GBF1: variants seen among roughly 807,000 people sequenced by gnomAD.
The protein encoded by GBF1 is golgi brefeldin A resistant guanine nucleotide exchange factor 1.
A neutral mutation model predicts 210.5 loss-of-function variants in GBF1; 114 were observed. The observed-to-expected ratio is 0.54, with a 90% CI of 0.47 to 0.63. The LOEUF is 0.63. Among genes scored for constraint, GBF1 ranks in the 30% least tolerant of loss-of-function variants. GBF1 has a pLI of 0.00. For synonymous variants in GBF1, 850 were observed against 889.2 expected (o/e 0.96, Z 0.78); for missense variants, 1,851 against 2,357.7 (o/e 0.79, Z 4.45).
chr10:102,277,827 T>A (rs1396342046), intron 3 of GBF1, among the ~76,000 whole-genome samples: 2 of 152,200 alleles, frequency 1.3e-5, no homozygotes, highest in Non-Finnish European at 2.9e-5. Context: ...GTCAATAAAC[T>A]TTTATTATTT....
In GBF1 at chr10:102,379,404, TG is replaced by T; in HGVS notation, c.4618del (p.Ala1540ProfsTer27). The T allele has an allele frequency of 1.2e-6, 2 of 1,614,132 alleles. No homozygotes were observed. The highest frequency in any genetic ancestry group is 1.7e-6 in the Non-Finnish European group (2 of 1,180,026). ...GATTGAAGCTGATTCTCGCACCCTCTGGGCCCACTGCTGGTGCCCTTTACTG... is the reference window on the plus strand; with the variant it reads ...GATTGAAGCTGATTCTCGCACCCTCTGGCCCACTGCTGGTGCCCTTTACTG... ...QKIEADSRTL[W>X]AHCWCPLLQG... On this transcript the variant is annotated frameshift_variant, in exon 34 of 40. Transcript: ENST00000369983. LOFTEE classifies it high-confidence loss of function.
chr10:102,293,994 G>A (rs1355578085), intron 3 of GBF1, among the ~76,000 whole-genome samples: 1 of 151,374 alleles, frequency 6.6e-6, no homozygotes, highest in Non-Finnish European at 1.5e-5. Flanking sequence ...TAGCCAGGAT[G>A]GTCTCGATCT....
chr10:102,294,586 T>A (rs1437352525), intron 3 of GBF1, among the ~76,000 whole-genome samples: 1 of 151,978 alleles, frequency 6.6e-6, no homozygotes, highest in Non-Finnish European at 1.5e-5. Context: ...TTTCACCGTG[T>A]TAGCCAGGAT....
In GBF1 at chr10:102,382,444, G is replaced by A. The variant is rs1363096053; in HGVS notation, c.*108G>A. On this transcript the variant is annotated 3_prime_UTR_variant, in exon 40 of 40. Coordinates refer to ENST00000369983, the MANE Select transcript of GBF1 (RefSeq NM_001377137.1). The stretch of plus-strand genomic sequence containing the variant: ...CTCTTCAGGCCAAGTCAGAGCTGCT[G>A]TTGCTGCCACTTGGATGGGGACCTG... The A allele has an allele frequency of 1.1e-6, 1 of 950,346 alleles. No homozygotes were observed. The highest frequency in any genetic ancestry group is 1.6e-6 in the Non-Finnish European group (1 of 639,074). The allele number at this position is 950,346 out of a possible 1,614,324, so 58.9% of individuals were successfully genotyped here. A position where few individuals can be genotyped will look rare whatever the true frequency, so the allele number is the denominator to read the frequency against.
Position 102,292,187 on chromosome 10 carries a change from C to A in GBF1, c.163+32071C>A, listed in dbSNP as rs541862362. ...TACAGGCATGAGCCACCATGCCCGG[C>A]CCCTAGAACTTTTTCTAAGGTCCTA... is the stretch of plus-strand genomic sequence containing the variant. On this transcript the variant is annotated intron_variant, in intron 3 of 39. Coordinates refer to ENST00000369983, the MANE Select transcript of GBF1 (RefSeq NM_001377137.1). 3.8e-3 allele frequency among the ~76,000 whole-genome samples: 574 copies of A among 152,166 alleles called. 1 individual carries two copies. The highest frequency in any genetic ancestry group is 5.5e-3 in the Non-Finnish European group (377 of 68,010).
chr10:102,363,693 C>T lies in GBF1; in HGVS notation c.2018-17C>T. ...AAGGTGTTACAGATATTTCCCCCCTCTTCTTCCTACTCCTAGCTGACAAAA... is the reference window on the plus strand; with the variant it reads ...AAGGTGTTACAGATATTTCCCCCCTTTTCTTCCTACTCCTAGCTGACAAAA... On this transcript the variant is annotated splice_polypyrimidine_tract_variant and intron_variant, in intron 16 of 39. Coordinates refer to ENST00000369983, the MANE Select transcript of GBF1 (RefSeq NM_001377137.1). This position sits in a 1 kb window ranked among gnomAD's most constrained non-coding sequence, Gnocchi z 4.2. The T allele has an allele frequency of 6.4e-7, 1 of 1,564,172 alleles. No homozygotes were observed. Among genetic ancestry groups the T allele is most frequent in the Non-Finnish European group, 8.8e-7 (1 of 1,134,626 alleles).
chr10:102,322,652 C>G (rs1216330703), intron 3 of GBF1, among the ~76,000 whole-genome samples: 1 of 134,378 alleles, frequency 7.4e-6, no homozygotes, highest in Non-Finnish European at 1.5e-5. Context: ...GAGGCCGAGG[C>G]AGGAGGATCT....
At chr10:102,268,566 G>A (rs2074099209) in intron 3 of GBF1, among the ~76,000 whole-genome samples, 1 of 152,028 alleles carries the variant, frequency 6.6e-6, no homozygotes, top group Non-Finnish European at 1.5e-5. Flanking sequence ...AGTCAGATGA[G>A]TAAAAAGAAA....
chr10:102,257,461 A>G (rs1341798604), intron 1 of GBF1, among the ~76,000 whole-genome samples: 12 of 152,066 alleles, frequency 7.9e-5, no homozygotes, highest in Admixed American at 7.2e-4. Flanking sequence ...GGTGTATGCC[A>G]CCATGCCTGG....
chr10:102,347,308 T>A (rs955237825), intron 4 of GBF1, among the ~76,000 whole-genome samples: 1 of 152,222 alleles, frequency 6.6e-6, no homozygotes, highest in Non-Finnish European at 1.5e-5. Flanking sequence ...CCAACTAGCT[T>A]CTGAACAGGT....
Position 102,358,199 on chromosome 10 carries a change from G to T in GBF1, c.787+13G>T. On this transcript the variant is annotated intron_variant, in intron 9 of 39. Transcript: ENST00000369983. The stretch of plus-strand genomic sequence containing the variant: ...TCTAACCTCACTGGTGAGTGCCCTG[G>T]ACTACTTCCTCTGATTAGACAAAAG... 1 of 1,609,136 alleles carries T rather than the reference G, an allele frequency of 6.2e-7. No individual in the cohort carries two copies. Among genetic ancestry groups the T allele is most frequent in the Non-Finnish European group, 8.5e-7 (1 of 1,176,454 alleles).
the GBF1 span, among the ~76,000 whole-genome samples, chr10:102,233,304 C>CTTTTTTTTT: frequency 9.3e-6 from 1 of 107,910 alleles, no homozygotes. Context: ...TTTTTTCCTT[C>CTTTTTTTTT]TTTTTTTTTT....
At chr10:102,320,795 CT>C (rs879719325) in intron 3 of GBF1, among the ~76,000 whole-genome samples, 88 of 144,906 alleles carry the variant, frequency 6.1e-4, no homozygotes, top group East Asian at 1.2e-3. Context: ...ATTTTTAATT[CT>C]TTTTTTTTTT....
At position 102,379,667 on chromosome 10, in the gene GBF1, G is replaced by A. The variant is rs375568057; in HGVS notation, c.4776+16G>A. On this transcript the variant is annotated intron_variant, in intron 35 of 39. Coordinates refer to ENST00000369983, the MANE Select transcript of GBF1 (RefSeq NM_001377137.1). Reference sequence around the variant, plus strand: ...TTTTAACAAGGTGGGACTTCCTACTGGTCTTAAGATAAAGTTCAAATCCTA... The same window carrying A: ...TTTTAACAAGGTGGGACTTCCTACTAGTCTTAAGATAAAGTTCAAATCCTA... 6.8e-6 allele frequency: 11 copies of A among 1,613,472 alleles called. No individual in the cohort carries two copies. The African/African-American group carries it at 1.3e-4, about 20-fold the overall frequency.
chr10:102,333,085 A>G (rs1416065969), intron 3 of GBF1, among the ~76,000 whole-genome samples: 2 of 152,322 alleles, frequency 1.3e-5, no homozygotes, highest in African/African-American at 4.8e-5. Context: ...TATCACCACC[A>G]CCACCTTCCC....
Position 102,280,130 on chromosome 10 carries a change from A to G in GBF1, c.163+20014A>G, listed in dbSNP as rs369318638. Among the ~76,000 whole-genome samples, 97 of 150,120 alleles carry G rather than the reference A, an allele frequency of 6.5e-4. No individual in the cohort carries two copies. The East Asian group carries it at 8.9e-3, about 14-fold the overall frequency. On this transcript the variant is annotated intron_variant, in intron 3 of 39. Transcript: ENST00000369983. ...CAGAGGAGTCCCTGTCTTAAAAAAA[A>G]AGAGAGAGAGAGAGAGAGAGAGAAA...
chr10:102,380,933 G>T (rs1386930984), intron 38 of GBF1, among the ~76,000 whole-genome samples, 194 bp from the exon 39 acceptor site: 1 of 152,082 alleles, frequency 6.6e-6, no homozygotes, highest in East Asian at 1.9e-4. Flanking sequence ...ACTTGAACCC[G>T]GGAAGTGGAG....
chr10:102,358,770 T>G (rs1337352467), intron 10 of GBF1, 41 bp downstream of exon 10: 1 of 1,295,408 alleles, frequency 7.7e-7, no homozygotes. Flanking sequence ...AGTATTCCAC[T>G]GTGGGAAATG....
At chr10:102,347,825 C>T (rs1201897538) in intron 4 of GBF1, among the ~76,000 whole-genome samples, 2 of 152,098 alleles carry the variant, frequency 1.3e-5, no homozygotes, top group Non-Finnish European at 2.9e-5. Context: ...TTTGTTTGGC[C>T]CCATACAGCT....
Sources: allele counts gnomAD v4.1 joint callset (sites outside exome capture counted in the v4.1 genomes callset), GRCh38; gene constraint gnomAD v4.1.1; non-coding constraint Gnocchi (gnomAD v3.1); transcripts MANE v1.5; gene names NCBI Gene and HGNC (gene_info 2026-07-23, HGNC 2026-07-21).